Variants in RUNX1 observed in about 807,000 individuals in gnomAD.
RUNX1 encodes the protein runt-related transcription factor 1.
RUNX1 carries 19 observed loss-of-function variants against 42.8 expected under a neutral mutation model. That is an observed-to-expected ratio of 0.44 (90% confidence interval 0.31 to 0.65). The LOEUF is 0.65. RUNX1 is among the 30% of genes least tolerant of loss of function. The probability of loss-of-function intolerance (pLI) is 0.07; values close to 1 mark genes in which losing one functional copy is unlikely to be tolerated. For missense variants in RUNX1, 528 were observed against 672.0 expected (o/e 0.79, Z 2.37); for synonymous variants, 271 against 289.4 (o/e 0.94, Z 0.64).
chr21:35,031,640 A>G (rs959770145), intron 2 of RUNX1, among the ~76,000 whole-genome samples: 1 of 152,218 alleles, frequency 6.6e-6, no homozygotes, highest in African/African-American at 2.4e-5. Context: ...CAGATGAATG[A>G]ATAAAGAAAC....
intron 7 of RUNX1, among the ~76,000 whole-genome samples, chr21:34,819,340 T>G (rs1296049068): frequency 6.6e-6 from 1 of 152,202 alleles, no homozygotes; most frequent in Non-Finnish European, 1.5e-5. Context: ...AGCCACACGC[T>G]ATGGGAGGGG....
intron 2 of RUNX1, among the ~76,000 whole-genome samples, chr21:34,993,381 G>A (rs1172289965): frequency 6.6e-6 from 1 of 152,096 alleles, no homozygotes; most frequent in Non-Finnish European, 1.5e-5. Context: ...AAACAAAACT[G>A]TACCAGAGGG....
At chr21:34,830,736 C>G (rs892222133) in intron 7 of RUNX1, among the ~76,000 whole-genome samples, 1 of 152,170 alleles carries the variant, frequency 6.6e-6, no homozygotes, top group Non-Finnish European at 1.5e-5. Context: ...ATAAATGATA[C>G]CACAGGATTG....
intron 6 of RUNX1, among the ~76,000 whole-genome samples, chr21:34,851,386 A>G (rs1406734434): frequency 6.6e-6 from 1 of 152,148 alleles, no homozygotes; most frequent in East Asian, 1.9e-4. Flanking sequence ...TTTTTGCATG[A>G]GAACTAATTT....
At chr21:34,915,157 T>C (rs1386550149) in intron 2 of RUNX1, among the ~76,000 whole-genome samples, 1 of 152,322 alleles carries the variant, frequency 6.6e-6, no homozygotes, top group South Asian at 2.1e-4. Context: ...GAACTTTTTT[T>C]TTAATTGCAA....
Position 34,789,584 on chromosome 21 carries a change from T to TCACA in RUNX1, c.*2547_*2550dup, listed in dbSNP as rs371955155. On this transcript the variant is annotated 3_prime_UTR_variant, in exon 9 of 9. Transcript: ENST00000675419. ...ACCTGAAGTCAATGAATGCAATTTT[T>TCACA]CACACACACACACACACACGCACAC... is the stretch of plus-strand genomic sequence containing the variant. The TCACA allele has an allele frequency of 2.0e-4, 46 of 226,662 alleles. No individual in the cohort carries two copies. Among genetic ancestry groups the TCACA allele is most frequent in the African/African-American group, 7.9e-4 (35 of 44,522 alleles). 14.0% of individuals were successfully genotyped at this position (226,662 alleles called of 1,614,324 possible).
chr21:34,991,544 C>CGAT lies in RUNX1; in HGVS notation c.58+57295_58+57297dup, dbSNP rs10578831. On this transcript the variant is annotated intron_variant, in intron 2 of 8. Coordinates refer to ENST00000675419, the MANE Select transcript of RUNX1 (RefSeq NM_001754.5). ...CCGGCAGCATTCCTAGCAGGGATTA[C>CGAT]GATGATGATGATGATGATGATGATG... Among the ~76,000 whole-genome samples, 370 of 151,104 alleles carry CGAT rather than the reference C, an allele frequency of 2.4e-3. 4 individuals carry two copies. The highest frequency in any genetic ancestry group is 4.4e-3 in the South Asian group (21 of 4,750).
intron 2 of RUNX1, among the ~76,000 whole-genome samples, chr21:35,039,948 C>A (rs1182727837): frequency 7.2e-5 from 11 of 152,104 alleles, no homozygotes; most frequent in Non-Finnish European, 1.6e-4. Context: ...TCAGTCAATG[C>A]CTAAATAATT....
chr21:34,884,735 T>C (rs1476171857), intron 4 of RUNX1, among the ~76,000 whole-genome samples: 2 of 152,202 alleles, frequency 1.3e-5, no homozygotes, highest in African/African-American at 4.8e-5. Flanking sequence ...AAGCCTCTTT[T>C]TATGAGGATT....
chr21:34,855,777 C>CT, intron 6 of RUNX1, among the ~76,000 whole-genome samples: 1 of 152,318 alleles, frequency 6.6e-6, no homozygotes, highest in African/African-American at 2.4e-5. Context: ...TTCGCTCTAT[C>CT]TTTTGTGCTT....
chr21:35,048,865 G>T lies in RUNX1; in HGVS notation c.35C>A (p.Ser12Ter), dbSNP rs750755857. ...ASDSIFESFPSYPQCFMRECI... is the reference protein window; with the variant it reads ...ASDSIFESFP ...ACCTCTCATGAAGCACTGTGGGTAC[G>T]AAGGAAATGACTCAAATATGCTGTC... The change falls in exon 2 of 9, where the codon TCG (serine) becomes TAG (stop). Residue 12 changes from serine to a stop codon, truncating the protein, a stop_gained. Coordinates refer to ENST00000675419, the MANE Select transcript of RUNX1 (RefSeq NM_001754.5). LOFTEE classifies it high-confidence loss of function. The T allele has an allele frequency of 6.2e-7, 1 of 1,613,884 alleles. No homozygotes were observed. The highest frequency in any genetic ancestry group is 8.5e-7 in the Non-Finnish European group (1 of 1,179,864).
intron 2 of RUNX1, among the ~76,000 whole-genome samples, chr21:34,979,062 G>A (rs1414748985): frequency 1.3e-5 from 2 of 151,174 alleles, no homozygotes; most frequent in Non-Finnish European, 2.9e-5. Flanking sequence ...AAGATCTCTC[G>A]TAATTTCCAT....
intron 7 of RUNX1, chr21:34,821,767 A>C (rs1303784139): frequency 2.2e-6 from 3 of 1,376,740 alleles, no homozygotes. Flanking sequence ...CCGCGAATGC[A>C]TTCCCCTCCC....
chr21:34,881,713 G>A (rs1452872875), intron 4 of RUNX1, among the ~76,000 whole-genome samples: 1 of 152,148 alleles, frequency 6.6e-6, no homozygotes, highest in African/African-American at 2.4e-5. Flanking sequence ...GTAGATAAAT[G>A]TTTTTATACT....
At chr21:34,817,959 C>T (rs1021267718) in intron 7 of RUNX1, among the ~76,000 whole-genome samples, 1 of 152,240 alleles carries the variant, frequency 6.6e-6, no homozygotes, top group Non-Finnish European at 1.5e-5. Context: ...TCTGTCTGCT[C>T]TGATCACAGG....
chr21:34,818,050 A>G (rs1446882252), intron 7 of RUNX1, among the ~76,000 whole-genome samples: 1 of 152,248 alleles, frequency 6.6e-6, no homozygotes, highest in African/African-American at 2.4e-5. Flanking sequence ...AGTCCCCTCT[A>G]CTTTCTGCGG....
intron 2 of RUNX1, among the ~76,000 whole-genome samples, chr21:34,998,126 A>G (rs1229961970): frequency 1.3e-5 from 2 of 152,170 alleles, no homozygotes; most frequent in African/African-American, 4.8e-5. Context: ...TTAAACTTTG[A>G]GACCATCAGG....
At chr21:34,949,540 G>A (rs2146662813) in intron 2 of RUNX1, among the ~76,000 whole-genome samples, 1 of 152,376 alleles carries the variant, frequency 6.6e-6, no homozygotes, top group South Asian at 2.1e-4. Context: ...GTTTGAGGAT[G>A]TAACCTACCA....
At chr21:34,848,748 T>C (rs1013554672) in intron 6 of RUNX1, among the ~76,000 whole-genome samples, 2 of 152,180 alleles carry the variant, frequency 1.3e-5, no homozygotes, top group Non-Finnish European at 2.9e-5. Context: ...TGGTTCACTT[T>C]TGAAACACTG....
Sources: allele counts gnomAD v4.1 joint callset (sites outside exome capture counted in the v4.1 genomes callset), GRCh38; gene constraint gnomAD v4.1.1; transcripts MANE v1.5; gene names NCBI Gene and HGNC (gene_info 2026-07-23, HGNC 2026-07-21).